The following ARMC3 variants were observed in gnomAD, a reference collection of about 807,000 sequenced individuals.
The protein encoded by ARMC3 is armadillo repeat-containing protein 3.
Under a neutral mutation model 90.3 loss-of-function variants are expected in ARMC3, and 74 were observed. The observed-to-expected ratio is 0.82, with a 90% CI of 0.68 to 0.99. The LOEUF (loss-of-function observed/expected upper bound fraction) is 0.99. Ranked by LOEUF, ARMC3 falls within the 50% of genes least tolerant of loss-of-function variation. The pLI is 0.00. For missense variants in ARMC3, 958 were observed against 1,042.8 expected (o/e 0.92, Z 1.12); for synonymous variants, 334 against 361.8 (o/e 0.92, Z 0.87).
intron 3 of ARMC3, among the ~76,000 whole-genome samples, chr10:22,954,481 G>T: frequency 6.6e-6 from 1 of 150,894 alleles, no homozygotes. Context: ...GGGAAACATA[G>T]TGAGACCCCA....
intron 6 of ARMC3, chr10:22,960,116 T>C (rs1564354185): frequency 5.3e-5 from 15 of 284,292 alleles, no homozygotes; most frequent in South Asian, 4.4e-4. Context: ...CCTGCAGTCC[T>C]GTCCTTTGCA....
At chr10:23,006,858 T>C in intron 13 of ARMC3, 26 bp from the exon 14 acceptor site, 1 of 1,603,762 alleles carries the variant, frequency 6.2e-7, no homozygotes. Flanking sequence ...CAGATACTAC[T>C]TTTTGGTCCT....
chr10:23,025,120 T>C (rs1408376823), intron 16 of ARMC3, among the ~76,000 whole-genome samples: 1 of 151,932 alleles, frequency 6.6e-6, no homozygotes, highest in Non-Finnish European at 1.5e-5. Context: ...CTGATAGCAC[T>C]GAAAGGAGAA....
intron 3 of ARMC3, among the ~76,000 whole-genome samples, chr10:22,950,603 C>T (rs1314794989): frequency 3.3e-5 from 5 of 152,052 alleles, no homozygotes; most frequent in South Asian, 2.1e-4. Flanking sequence ...ATGTAAAAAA[C>T]GAGATGGTGG....
intron 13 of ARMC3, 69 bp downstream of exon 13, chr10:23,003,483 A>G (rs961983461): frequency 7.3e-6 from 9 of 1,236,888 alleles, no homozygotes; most frequent in Admixed American, 5.5e-5. Context: ...TGATGCCATT[A>G]CATTGCCATT....
At chr10:22,953,303 G>C (rs1834804567) in intron 3 of ARMC3, among the ~76,000 whole-genome samples, 1 of 152,040 alleles carries the variant, frequency 6.6e-6, no homozygotes, top group Admixed American at 6.6e-5. Context: ...CACCTACTGA[G>C]ATATATATCA....
chr10:22,972,887 C>A (rs1309205233), intron 8 of ARMC3, among the ~76,000 whole-genome samples: 1 of 152,132 alleles, frequency 6.6e-6, no homozygotes, highest in Non-Finnish European at 1.5e-5. Flanking sequence ...GTATTTTAGT[C>A]TCTTAACTAC....
At chr10:22,966,895 T>C (rs1835463272) in intron 7 of ARMC3, among the ~76,000 whole-genome samples, 2 of 151,764 alleles carry the variant, frequency 1.3e-5, no homozygotes, top group Admixed American at 1.3e-4. Context: ...GTCCCTCCCT[T>C]GACACGTGGG....
chr10:23,003,278 C>A lies in ARMC3; in HGVS notation c.1595C>A (p.Ser532Ter). Residue 532 changes from serine (S) to a stop codon, truncating the protein, a stop_gained, in exon 13 of 19, where the codon TCA becomes TAA. Coordinates refer to ENST00000298032, the MANE Select transcript of ARMC3 (RefSeq NM_173081.5). LOFTEE classifies it high-confidence loss of function. ...ALDILEEVNV[S>*]GTRKNKFSEA... ...GATATCCTTGAAGAAGTTAACGTAT[C>A]AGGAACTCGGAAAAATAAATTCAGT... 1 of 1,612,638 alleles carries A rather than the reference C, an allele frequency of 6.2e-7. No individual in the cohort carries two copies.
chr10:23,038,375 A>G lies in ARMC3; in HGVS notation c.*896A>G, dbSNP rs1346828272. 2 of 152,214 alleles carry G rather than the reference A, an allele frequency of 1.3e-5. No individual in the cohort carries two copies. The highest frequency in any genetic ancestry group is 2.9e-5 in the Non-Finnish European group (2 of 68,022). The allele number at this position is 152,214 out of a possible 1,614,324, so 9.4% of individuals were successfully genotyped here. The stretch of plus-strand genomic sequence containing the variant: ...AAGTACATATTGCCTAGTCACGCTT[A>G]AAGTCCAGTGTTGACCTGTATAGTC... On this transcript the variant is annotated 3_prime_UTR_variant, in exon 19 of 19. Transcript: ENST00000298032.
chr10:22,930,814 C>CCTACGATATACCGTTTAAGATTGT (rs1833897899), intron 1 of ARMC3, among the ~76,000 whole-genome samples: 1 of 152,180 alleles, frequency 6.6e-6, no homozygotes, highest in Non-Finnish European at 1.5e-5. Flanking sequence ...TTTAAGATTG[C>CCTACGATATACCGTTTAAGATTGT]TCCTACGATA....
intron 8 of ARMC3, among the ~76,000 whole-genome samples, chr10:22,969,899 A>G (rs982664132): frequency 2.0e-5 from 3 of 152,174 alleles, no homozygotes; most frequent in East Asian, 1.9e-4. Flanking sequence ...CCTACCCATC[A>G]TGTGCCACAG....
intron 2 of ARMC3, among the ~76,000 whole-genome samples, 159 bp downstream of exon 2, chr10:22,932,203 A>G (rs1232416868): frequency 1.3e-5 from 2 of 152,250 alleles, no homozygotes; most frequent in Admixed American, 6.5e-5. Flanking sequence ...CTAACATTAC[A>G]TAAACAAACA....
chr10:22,959,301 A>T lies in ARMC3; in HGVS notation c.362-98A>T. 10 of 1,375,602 alleles carry T rather than the reference A, an allele frequency of 7.3e-6. No individual in the cohort carries two copies. In the South Asian group the frequency reaches 1.4e-4, roughly 19 times the overall value. The allele number at this position is 1,375,602 out of a possible 1,614,324, so 85.2% of individuals were successfully genotyped here. A position where few individuals can be genotyped will look rare whatever the true frequency, so the allele number is the denominator to read the frequency against. ...ATAAAAGAGGTGAGCTTTAAGCAAG[A>T]TACAATTTGTGGAGCTTTGGTTTCC... On this transcript the variant is annotated intron_variant, in intron 5 of 18. Transcript: ENST00000298032.
At position 23,013,744 on chromosome 10, in the gene ARMC3, A is replaced by G. The variant is rs141457385; in HGVS notation, c.2045+4813A>G. Among the ~76,000 whole-genome samples the G allele has an allele frequency of 7.5e-4, 114 of 152,272 alleles. 1 individual carries two copies. Among genetic ancestry groups the G allele is most frequent in the African/African-American group, 2.6e-3 (109 of 41,576 alleles). On this transcript the variant is annotated intron_variant, in intron 16 of 18. Coordinates refer to ENST00000298032, the MANE Select transcript of ARMC3 (RefSeq NM_173081.5). Reference sequence around the variant, plus strand: ...ACACAGCCCTTAGTCATCCCATGAAACTGAAACTCCTTTGTGAATGGATTC... The same window carrying G: ...ACACAGCCCTTAGTCATCCCATGAAGCTGAAACTCCTTTGTGAATGGATTC...
At chr10:23,001,827 C>T in intron 11 of ARMC3, 92 bp from the exon 12 acceptor site, 6 of 1,386,676 alleles carry the variant, frequency 4.3e-6, no homozygotes, top group Non-Finnish European at 9.8e-7. Context: ...ATAGTTAAAA[C>T]CTTTTAGCAA....
intron 8 of ARMC3, among the ~76,000 whole-genome samples, chr10:22,980,951 A>G (rs1430964387): frequency 1.3e-5 from 2 of 152,164 alleles, no homozygotes; most frequent in Non-Finnish European, 1.5e-5. Flanking sequence ...TTCTTCCAAT[A>G]TTGGGTTTTA....
At chr10:23,025,577 G>T (rs577947442) in intron 16 of ARMC3, among the ~76,000 whole-genome samples, 47 of 152,168 alleles carry the variant, frequency 3.1e-4, no homozygotes, top group African/African-American at 1.1e-3. Flanking sequence ...ATCAAAATTT[G>T]TGGGGCACAC....
At chr10:22,997,637 C>T (rs529820007) in intron 10 of ARMC3, among the ~76,000 whole-genome samples, 2 of 152,264 alleles carry the variant, frequency 1.3e-5, no homozygotes, top group East Asian at 1.9e-4. Flanking sequence ...GGAAGACAGG[C>T]TAATGAATTT....
Sources: allele counts gnomAD v4.1 joint callset (sites outside exome capture counted in the v4.1 genomes callset), GRCh38; gene constraint gnomAD v4.1.1; transcripts MANE v1.5; gene names NCBI Gene and HGNC (gene_info 2026-07-23, HGNC 2026-07-21).